The following ZNF547 variants were observed in gnomAD, a reference collection of about 807,000 sequenced individuals.
ZNF547 encodes zinc finger protein 547.
ZNF547 carries 4 observed loss-of-function variants against 7.7 expected under a neutral mutation model. The observed-to-expected ratio is 0.52, with a 90% CI of 0.26 to 1.20. ZNF547 has a LOEUF of 1.20. Among genes scored for constraint, ZNF547 ranks in the 50% most tolerant of loss-of-function variants. The pLI is 0.14. For missense variants in ZNF547, 449 were observed against 485.8 expected, an observed-to-expected ratio of 0.92 and a Z score of 0.71; for synonymous variants, 166 against 166.2, an observed-to-expected ratio of 1.00 and a Z score of 0.01.
intron 1 of ZNF547, chr19:57,364,776 A>G: frequency 7.0e-7 from 1 of 1,430,642 alleles, no homozygotes; most frequent in South Asian, 1.2e-5. Context: ...CTTCCGCGGA[A>G]ACTGACATTG....
At chr19:57,371,656 A>T in intron 2 of ZNF547, 126 bp from the exon 3 acceptor site, 6 of 1,412,728 alleles carry the variant, frequency 4.2e-6, no homozygotes, top group Non-Finnish European at 5.8e-6. Context: ...GGAGATGGAA[A>T]CACATTTAGC....
rs1195000364 is a variant in ZNF547 at position 57,378,139 on chromosome 19, G to A, written c.1163G>A (p.Arg388Lys). The A allele has an allele frequency of 6.2e-7, 1 of 1,613,106 alleles. No individual in the cohort carries two copies. The highest frequency in any genetic ancestry group is 1.1e-5 in the South Asian group (1 of 91,060). The change falls in exon 4 of 4, where the codon AGG (arginine) becomes AAG (lysine). Residue 388 changes from arginine (R) to lysine (K), a missense_variant. Coordinates refer to ENST00000282282, the MANE Select transcript of ZNF547 (RefSeq NM_173631.4). Reference protein sequence around the residue: ...KQCSECGKFFRYNSTLLRHQK... With the variant: ...KQCSECGKFFKYNSTLLRHQK... ...TGCAGTGAATGTGGGAAATTCTTTA[G>A]GTATAACTCTACACTTCTCAGACAT...
intron 2 of ZNF547, chr19:57,370,957 GTT>G (rs11430895): frequency 2.1e-5 from 3 of 144,622 alleles, no homozygotes; most frequent in Non-Finnish European, 3.0e-5. Flanking sequence ...GGGGTTTTTT[GTT>G]TTTTTTTTTT....
intron 1 of ZNF547, chr19:57,365,202 A>G (rs1194172190): frequency 2.5e-6 from 4 of 1,589,672 alleles, no homozygotes; most frequent in Non-Finnish European, 2.6e-6. Flanking sequence ...CTATTCGATC[A>G]AGTGCATTTG....
In ZNF547 at chr19:57,377,559, G is replaced by C. The variant is rs780514310; in HGVS notation, c.583G>C (p.Glu195Gln). 2 of 1,614,170 alleles carry C rather than the reference G, an allele frequency of 1.2e-6. No homozygotes were observed. The highest frequency in any genetic ancestry group is 8.5e-7 in the Non-Finnish European group (1 of 1,180,032). ...KCSKCGILFM[E>Q]RSTLNRHQRT... ...CAGCAAATGTGGGATATTGTTTATG[G>C]AAAGGTCCACACTCAATAGACATCA... The change falls in exon 4 of 4, where the codon GAA becomes CAA. Residue 195 changes from glutamate (E) to glutamine (Q), a missense_variant. By Grantham distance (29) the Glu-to-Gln change is conservative. Coordinates refer to ENST00000282282, the MANE Select transcript of ZNF547 (RefSeq NM_173631.4).
intron 1 of ZNF547, among the ~76,000 whole-genome samples, chr19:57,366,706 C>T (rs550239233): frequency 1.5e-4 from 21 of 141,008 alleles, no homozygotes; most frequent in African/African-American, 4.1e-4. Context: ...CCACCATACC[C>T]GGCCCAGATA....
At chr19:57,366,353 G>A (rs1210778209) in intron 1 of ZNF547, among the ~76,000 whole-genome samples, 1 of 151,416 alleles carries the variant, frequency 6.6e-6, no homozygotes, top group Non-Finnish European at 1.5e-5. Flanking sequence ...GAGTAGCTGG[G>A]ATTACAGGCA....
intron 3 of ZNF547, among the ~76,000 whole-genome samples, chr19:57,374,831 T>C (rs1268143414): frequency 6.6e-6 from 1 of 152,196 alleles, no homozygotes; most frequent in Non-Finnish European, 1.5e-5. Flanking sequence ...CTGGGCTTCA[T>C]GGCCCATATT....
At chr19:57,369,908 T>TTTTTTTTTTTG (rs2088494277) in intron 2 of ZNF547, among the ~76,000 whole-genome samples, 1 of 122,450 alleles carries the variant, frequency 8.2e-6, no homozygotes, top group Non-Finnish European at 1.7e-5. Context: ...TCTTTTTTTT[T>TTTTTTTTTTTG]TTTTTTTTTT....
Position 57,378,130 on chromosome 19 carries a change from A to G in ZNF547, c.1154A>G (p.Lys385Arg), listed in dbSNP as rs2088550962. 2 of 1,613,596 alleles carry G rather than the reference A, an allele frequency of 1.2e-6. No individual in the cohort carries two copies. Among genetic ancestry groups the G allele is most frequent in the African/African-American group, 2.7e-5 (2 of 74,930 alleles). Reference sequence around the variant, plus strand: ...GCAAAGCAGTGCAGTGAATGTGGGAAATTCTTTAGGTATAACTCTACACTT... The same window carrying G: ...GCAAAGCAGTGCAGTGAATGTGGGAGATTCTTTAGGTATAACTCTACACTT... ...TAAKQCSECG[K>R]FFRYNSTLLR... The change falls in exon 4 of 4, where the codon AAA (lysine) becomes AGA (arginine). Residue 385 changes from lysine to arginine, a missense_variant. Lys to Arg is a conservative substitution (Grantham distance 26, BLOSUM62 2). Coordinates refer to ENST00000282282, the MANE Select transcript of ZNF547 (RefSeq NM_173631.4).
At chr19:57,371,737 C>A in intron 2 of ZNF547, 45 bp from the exon 3 acceptor site, 1 of 1,579,440 alleles carries the variant, frequency 6.3e-7, no homozygotes, top group Non-Finnish European at 8.6e-7. Flanking sequence ...TAAGTAAATA[C>A]AGTTTGAAAA....
intron 1 of ZNF547, among the ~76,000 whole-genome samples, chr19:57,366,262 G>A (rs1328754021): frequency 6.7e-6 from 1 of 149,652 alleles, no homozygotes; most frequent in African/African-American, 2.5e-5. Flanking sequence ...CTCCTGTCAT[G>A]CAGGCTGGAG....
rs1568527366 is a variant in ZNF547, at chr19:57,377,963, TG to T, written c.990del (p.Lys331AsnfsTer5). On this transcript the variant is annotated frameshift_variant, in exon 4 of 4. Coordinates refer to ENST00000282282, the MANE Select transcript of ZNF547 (RefSeq NM_173631.4). LOFTEE classifies it low-confidence loss of function (END_TRUNC). The part of the protein sequence containing the change: ...GERPYECNEC[G>X]KFFSLKSVLI... The stretch of plus-strand genomic sequence containing the variant: ...AAAGGCCTTATGAGTGCAATGAATG[TG>T]GGAAATTCTTCAGCTTGAAATCCGT... 2 of 1,614,118 alleles carry T rather than the reference TG, an allele frequency of 1.2e-6. No homozygotes were observed. Among genetic ancestry groups the T allele is most frequent in the South Asian group, 1.1e-5 (1 of 91,086 alleles).
chr19:57,364,442 C>G (rs2088447555), intron 1 of ZNF547: 1 of 197,514 alleles, frequency 5.1e-6, no homozygotes, highest in African/African-American at 2.4e-5. Flanking sequence ...GGTGTAGATT[C>G]TTCAAAAGAA....
Position 57,369,899 on chromosome 19 carries a change from C to CT in ZNF547, c.24+1344dup, listed in dbSNP as rs61547238. Among the ~76,000 whole-genome samples the CT allele has an allele frequency of 5.5e-3, 284 of 51,656 alleles. 43 individuals are homozygous for CT. Among genetic ancestry groups the CT allele is most frequent in the African/African-American group, 0.011 (138 of 12,782 alleles). The allele number at this position is 51,656 out of a possible 152,430, so 33.9% of individuals were successfully genotyped here. A position where few individuals can be genotyped will look rare whatever the true frequency, so the allele number is the denominator to read the frequency against. ...AAAGAAGTTTAATTGACTCACAGTT[C>CT]TTTTTTTTTTTTTTTTTTTTTTTTG... On this transcript the variant is annotated intron_variant, in intron 2 of 3. Transcript: ENST00000282282.
At chr19:57,372,550 G>C (rs1437198446) in intron 3 of ZNF547, among the ~76,000 whole-genome samples, 1 of 152,228 alleles carries the variant, frequency 6.6e-6, no homozygotes, top group Non-Finnish European at 1.5e-5. Flanking sequence ...GTTCCTGGGA[G>C]TTGGGAAAAG....
At position 57,378,874 on chromosome 19, in the gene ZNF547, C is replaced by T. The variant is rs554527497; in HGVS notation, c.*689C>T. ...CATTCCCACATTCTTCAGTCCCTGGCGACCACCATATTTTTAAGTCATTAT... is the reference window on the plus strand; with the variant it reads ...CATTCCCACATTCTTCAGTCCCTGGTGACCACCATATTTTTAAGTCATTAT... On this transcript the variant is annotated 3_prime_UTR_variant, in exon 4 of 4. Coordinates refer to ENST00000282282, the MANE Select transcript of ZNF547 (RefSeq NM_173631.4). 2.8e-4 allele frequency: 84 copies of T among 304,084 alleles called. No homozygotes were observed. The highest frequency in any genetic ancestry group is 1.8e-3 in the Admixed American group (37 of 20,890). 18.8% of individuals were successfully genotyped at this position (304,084 alleles called of 1,614,324 possible).
chr19:57,367,135 G>T (rs1379608035), intron 1 of ZNF547, among the ~76,000 whole-genome samples: 1 of 152,168 alleles, frequency 6.6e-6, no homozygotes, highest in Non-Finnish European at 1.5e-5. Flanking sequence ...TAGGGTTGTT[G>T]TCAAAGAAAA....
At chr19:57,374,467 A>G (rs2088524386) in intron 3 of ZNF547, among the ~76,000 whole-genome samples, 1 of 152,226 alleles carries the variant, frequency 6.6e-6, no homozygotes, top group East Asian at 1.9e-4. Flanking sequence ...AAGGTCTCTG[A>G]CAGGCACTGG....
Sources: allele counts gnomAD v4.1 joint callset (sites outside exome capture counted in the v4.1 genomes callset), GRCh38; gene constraint gnomAD v4.1.1; transcripts MANE v1.5; gene names NCBI Gene and HGNC (gene_info 2026-07-23, HGNC 2026-07-21).